The following ANAPC2 variants were observed in gnomAD, a reference collection of about 807,000 sequenced individuals.
ANAPC2 encodes the protein anaphase-promoting complex subunit 2.
ANAPC2 carries 29 observed loss-of-function variants against 84.3 expected under a neutral mutation model. The ratio of observed to expected loss-of-function variants is 0.34; its 90% CI spans 0.26 to 0.47. ANAPC2 has a LOEUF of 0.47. Ranked by LOEUF, ANAPC2 falls within the 20% of genes least tolerant of loss-of-function variation. The pLI is 1.00. For synonymous variants in ANAPC2, 571 were observed against 479.4 expected, an observed-to-expected ratio of 1.19 and a Z score of -2.50; for missense variants, 857 against 1,131.7, an observed-to-expected ratio of 0.76 and a Z score of 3.48.
At chr9:137,179,858 G>A (rs1445061508) in intron 10 of ANAPC2, among the ~76,000 whole-genome samples, 2 of 152,252 alleles carry the variant, frequency 1.3e-5, no homozygotes, top group African/African-American at 2.4e-5. Context: ...AGCAAAAGAG[G>A]AGGAAACGCT....
chr9:137,180,189 G>C lies in ANAPC2; in HGVS notation c.1882C>G (p.Gln628Glu). Residue 628 changes from glutamine (Q) to glutamate (E), a missense_variant, in exon 10 of 13, where the codon CAG (glutamine) becomes GAG (glutamate). By Grantham distance (29) the Gln-to-Glu change is conservative. Coordinates refer to ENST00000323927, the MANE Select transcript of ANAPC2 (RefSeq NM_013366.4). Reference protein sequence around the residue: ...ALEAYCKKYEQLKAMRTLSWK... With the variant: ...ALEAYCKKYEELKAMRTLSWK... ...GCCTGGCATGGAGGTACCTTGAGCT[G>C]CTCATACTTCTTGCAGTAAGCCTCC... The C allele has an allele frequency of 1.9e-6, 3 of 1,613,526 alleles. No homozygotes were observed. Among genetic ancestry groups the C allele is most frequent in the South Asian group, 1.1e-5 (1 of 91,066 alleles).
rs1834183682 is a variant in ANAPC2 at position 137,175,270 on chromosome 9, G to A, written c.2223C>T (p.Ala741=). ...DSDDESDSGM[A]SQADQKEEEL... is the part of the protein sequence containing the mutation. Reference sequence around the variant, plus strand: ...CCTCCTCCTTCTGGTCGGCCTGGGAGGCCATGCCGGAGTCGCTCTCGTCGT... The same window carrying A: ...CCTCCTCCTTCTGGTCGGCCTGGGAAGCCATGCCGGAGTCGCTCTCGTCGT... Residue 741 remains alanine (A), a synonymous_variant, in exon 12 of 13, where the codon GCC becomes GCT. Transcript: ENST00000323927. 1 of 1,612,630 alleles carries A rather than the reference G, an allele frequency of 6.2e-7. No individual in the cohort carries two copies. The highest frequency in any genetic ancestry group is 1.3e-5 in the African/African-American group (1 of 75,064).
At chr9:137,183,553 A>C (rs1834386551) in intron 5 of ANAPC2, 119 bp downstream of exon 5, 3 of 1,429,500 alleles carry the variant, frequency 2.1e-6, no homozygotes, top group Non-Finnish European at 2.8e-6. Flanking sequence ...TTCTCAACCC[A>C]TTTCTTCCTT....
At chr9:137,184,552 A>T (rs1242343254) in intron 4 of ANAPC2, among the ~76,000 whole-genome samples, 1 of 141,262 alleles carries the variant, frequency 7.1e-6, no homozygotes, top group Non-Finnish European at 1.5e-5. Context: ...GGAGCCCCAG[A>T]CGCAGACACA....
At chr9:137,182,057 G>A (rs1344285301) in intron 6 of ANAPC2, among the ~76,000 whole-genome samples, 195 bp from the exon 7 acceptor site, 5 of 152,226 alleles carry the variant, frequency 3.3e-5, no homozygotes, top group Admixed American at 1.3e-4. Flanking sequence ...CTTGGGAGCA[G>A]CAGGAGCTGC....
chr9:137,182,570 C>T (rs945034057), intron 6 of ANAPC2, among the ~76,000 whole-genome samples: 1 of 152,156 alleles, frequency 6.6e-6, no homozygotes, highest in East Asian at 1.9e-4. Context: ...CCACAAAGCA[C>T]CAAAGGAGTC....
chr9:137,175,212 C>A (rs769365685), intron 12 of ANAPC2, 25 bp downstream of exon 12: 1 of 1,607,354 alleles, frequency 6.2e-7, no homozygotes, highest in Admixed American at 1.7e-5. Context: ...CGCCCCCTGG[C>A]CCCCCGTGGG....
chr9:137,177,920 A>C (rs2131331587), intron 10 of ANAPC2, among the ~76,000 whole-genome samples: 1 of 152,296 alleles, frequency 6.6e-6, no homozygotes, highest in Non-Finnish European at 1.5e-5. Context: ...CAGAAGCTGG[A>C]AGAGGGGAGG....
chr9:137,177,128 T>C (rs1588756590), intron 10 of ANAPC2: 2 of 152,062 alleles, frequency 1.3e-5, no homozygotes, highest in African/African-American at 4.8e-5. Flanking sequence ...TCGGCACTGG[T>C]GAGCTGCATA....
chr9:137,188,379 C>G (rs1245361203), intron 1 of ANAPC2, 37 bp downstream of exon 1: 1 of 1,586,000 alleles, frequency 6.3e-7, no homozygotes. Context: ...GTCCCGGAAA[C>G]TCCGCGCGGG....
rs779501231 is a variant in ANAPC2 at position 137,185,033 on chromosome 9, C to A, written c.928G>T (p.Ala310Ser). The A allele has an allele frequency of 2.5e-6, 4 of 1,583,430 alleles. No homozygotes were observed. Among genetic ancestry groups the A allele is most frequent in the East Asian group, 4.6e-5 (2 of 43,466 alleles). The change falls in exon 4 of 13, where the codon GCC becomes TCC. Residue 310 changes from alanine to serine, a missense_variant. Physicochemically the swap from Ala to Ser is moderately conservative, Grantham distance 99. This residue lies in a region of ANAPC2 where 428 missense variants were observed against 513.8 expected (regional missense o/e 0.83). Transcript: ENST00000323927. ...CCGGCCTCGGGAGATGCGGGCCTGGCGGGGCCGTCCTGCAGGAACACCTTG... is the reference window on the plus strand; with the variant it reads ...CCGGCCTCGGGAGATGCGGGCCTGGAGGGGCCGTCCTGCAGGAACACCTTG... ...LGKVFLQDGP[A>S]RPASPEAGNT...
At chr9:137,183,594 GC>G (rs1834387238) in intron 5 of ANAPC2, 77 bp downstream of exon 5, 3 of 1,539,786 alleles carry the variant, frequency 1.9e-6, no homozygotes, top group African/African-American at 1.4e-5. Context: ...GGCAGACTAG[GC>G]CCCAGGCTCC....
chr9:137,175,300 G>A lies in ANAPC2; in HGVS notation c.2193C>T (p.Asp731=), dbSNP rs1834184450. The change falls in exon 12 of 13, where the codon GAC becomes GAT. Residue 731 remains aspartate (D), a synonymous_variant. Coordinates refer to ENST00000323927, the MANE Select transcript of ANAPC2 (RefSeq NM_013366.4). ...TGCCGGAGTCGCTCTCGTCGTCACT[G>A]TCAATGAGCACCATGTTGTCCCGGT... ...PQDRDNMVLI[D]SDDESDSGMA... is the part of the protein sequence containing the mutation. The A allele has an allele frequency of 1.2e-6, 2 of 1,612,696 alleles. No homozygotes were observed. Among genetic ancestry groups the A allele is most frequent in the Non-Finnish European group, 1.7e-6 (2 of 1,179,880 alleles).
At position 137,183,655 on chromosome 9, in the gene ANAPC2, CG is replaced by C; in HGVS notation, c.1168+16del. Reference sequence around the variant, plus strand: ...GTCTAAGCCCAGAGTGCTGGGTGGCCGGGCAGCACACAGCACCTGGATGCAG... The same window carrying C: ...GTCTAAGCCCAGAGTGCTGGGTGGCCGGCAGCACACAGCACCTGGATGCAG... On this transcript the variant is annotated intron_variant, in intron 5 of 12. Transcript: ENST00000323927. The C allele has an allele frequency of 6.2e-7, 1 of 1,604,658 alleles. No individual in the cohort carries two copies.
Position 137,186,245 on chromosome 9 carries a change from G to C in ANAPC2, c.852C>G (p.Ser284=). Residue 284 remains serine, a synonymous_variant, in exon 3 of 13, where the codon TCC becomes TCG. Transcript: ENST00000323927. The part of the protein sequence containing the change: ...EDRCRGEYER[S]FLREFHKWIE... ...TCACCTTGTGGAACTCACGCAGGAA[G>C]GAGCGCTCGTACTCGCCCCGGCAAC... 6.2e-7 allele frequency: 1 copy of C among 1,612,674 alleles called. No homozygotes were observed. The highest frequency in any genetic ancestry group is 8.5e-7 in the Non-Finnish European group (1 of 1,179,968).
chr9:137,175,673 G>T, intron 11 of ANAPC2, 35 bp downstream of exon 11: 1 of 1,595,362 alleles, frequency 6.3e-7, no homozygotes, highest in Admixed American at 1.7e-5. Context: ...GGGCCGTGTG[G>T]CCGGGGCAGG....
intron 10 of ANAPC2, chr9:137,176,691 G>A (rs562532439): frequency 6.6e-6 from 1 of 152,402 alleles, no homozygotes; most frequent in African/African-American, 2.4e-5. Flanking sequence ...GACCCAACAG[G>A]TGCTTCCAGT....
At chr9:137,177,776 A>G (rs1337342526) in intron 10 of ANAPC2, among the ~76,000 whole-genome samples, 1 of 151,946 alleles carries the variant, frequency 6.6e-6, no homozygotes, top group Non-Finnish European at 1.5e-5. Flanking sequence ...GATATAATTA[A>G]GATGACGTCA....
At chr9:137,185,336 C>T (rs1834440713) in intron 3 of ANAPC2, among the ~76,000 whole-genome samples, 1 of 152,250 alleles carries the variant, frequency 6.6e-6, no homozygotes, top group South Asian at 2.1e-4. Flanking sequence ...TTATCACTGG[C>T]AGCAGCAACC....
Sources: gnomAD v4.1 joint callset for allele counts (sites outside exome capture counted in the v4.1 genomes callset) on GRCh38, gnomAD v4.1.1 for gene constraint, gnomAD v4.1.1 regional missense constraint, MANE v1.5 for transcripts, NCBI Gene and HGNC (gene_info 2026-07-23, HGNC 2026-07-21) for gene names.